The following LARS2 variants were observed in gnomAD, a reference collection of about 807,000 sequenced individuals.
LARS2 encodes the protein leucyl-tRNA synthetase 2, mitochondrial, also known as leucine--tRNA ligase, mitochondrial.
A neutral mutation model predicts 116.6 loss-of-function variants in LARS2; 81 were observed. The ratio of observed to expected loss-of-function variants is 0.69; its 90% CI spans 0.58 to 0.84. LARS2 has a LOEUF of 0.84. LARS2 is among the 40% of genes least tolerant of loss of function. LARS2 has a pLI of 0.00. For missense variants in LARS2, 968 were observed against 1,114.5 expected, an observed-to-expected ratio of 0.87 and a Z score of 1.87; for synonymous variants, 396 against 407.2, an observed-to-expected ratio of 0.97 and a Z score of 0.33.
chr3:45,526,181 AT>A (rs1215010011), intron 20 of LARS2, among the ~76,000 whole-genome samples: 1 of 152,222 alleles, frequency 6.6e-6, no homozygotes, highest in African/African-American at 2.4e-5. Context: ...TTTGAGTCCG[AT>A]TTATGTTAGA....
intron 4 of LARS2, among the ~76,000 whole-genome samples, chr3:45,402,112 GTTAA>G (rs749568326): frequency 2.6e-5 from 4 of 152,202 alleles, no homozygotes; most frequent in Non-Finnish European, 2.9e-5. Context: ...CCTTTGAGTA[GTTAA>G]TTAATTAACC....
chr3:45,453,748 C>G (rs900431081), intron 7 of LARS2, among the ~76,000 whole-genome samples: 34 of 151,532 alleles, frequency 2.2e-4, no homozygotes, highest in African/African-American at 8.0e-4. Context: ...CATGCTTTGT[C>G]AAGAAAGAAG....
intron 6 of LARS2, among the ~76,000 whole-genome samples, chr3:45,432,957 TATG>T (rs1195665785): frequency 6.6e-6 from 1 of 152,076 alleles, no homozygotes; most frequent in Non-Finnish European, 1.5e-5. Flanking sequence ...AAGTCTATTT[TATG>T]ATATTTTACT....
chr3:45,414,518 G>A (rs1429866182), intron 4 of LARS2, among the ~76,000 whole-genome samples: 2 of 152,074 alleles, frequency 1.3e-5, no homozygotes, highest in Admixed American at 6.6e-5. Flanking sequence ...CTCAGTATTC[G>A]TCATTATTTT....
At chr3:45,425,309 T>C (rs983976316) in intron 6 of LARS2, among the ~76,000 whole-genome samples, 5 of 152,150 alleles carry the variant, frequency 3.3e-5, no homozygotes, top group African/African-American at 1.2e-4. Context: ...GGGGGACTAG[T>C]GTATCAATTT....
intron 8 of LARS2, among the ~76,000 whole-genome samples, chr3:45,460,147 T>G (rs1277089645): frequency 6.6e-6 from 1 of 152,266 alleles, no homozygotes; most frequent in Non-Finnish European, 1.5e-5. Flanking sequence ...TAAATGAGGT[T>G]GTTTTTCCAT....
chr3:45,441,214 A>C (rs991430548), intron 6 of LARS2, among the ~76,000 whole-genome samples: 1 of 151,976 alleles, frequency 6.6e-6, no homozygotes, highest in Non-Finnish European at 1.5e-5. Context: ...TAGTAGAGAC[A>C]TGGTTTCACC....
intron 6 of LARS2, among the ~76,000 whole-genome samples, chr3:45,435,039 A>G (rs917960632): frequency 1.3e-5 from 2 of 152,256 alleles, no homozygotes; most frequent in Non-Finnish European, 2.9e-5. Flanking sequence ...GGACAGAATC[A>G]TCTGAAAGAT....
At chr3:45,534,100 C>T (rs563584804) in intron 20 of LARS2, among the ~76,000 whole-genome samples, 32 of 152,312 alleles carry the variant, frequency 2.1e-4, no homozygotes, top group Middle Eastern at 6.8e-3. Context: ...TGAAGTTTTA[C>T]AGATCTATAG....
At position 45,477,261 on chromosome 3, in the gene LARS2, T is replaced by C. The variant is rs933798232; in HGVS notation, c.1018+634T>C. ...TAACCCAGAGGAAAAGGAGAACACA[T>C]TGGAAGGCTGTGGGGAAGCCCGTTG... On this transcript the variant is annotated intron_variant, in intron 10 of 21. Transcript: ENST00000645846. Among the ~76,000 whole-genome samples the C allele has an allele frequency of 4.6e-5, 7 of 152,252 alleles. No individual in the cohort carries two copies. In the South Asian group the frequency reaches 1.2e-3, roughly 27 times the overall value.
At chr3:45,442,921 G>A (rs764042697) in intron 6 of LARS2, among the ~76,000 whole-genome samples, 14 of 152,182 alleles carry the variant, frequency 9.2e-5, no homozygotes, top group Admixed American at 5.2e-4. Flanking sequence ...CCACCTTGGC[G>A]CTATTGATTG....
At chr3:45,512,007 T>A (rs1026291064) in intron 15 of LARS2, among the ~76,000 whole-genome samples, 3 of 151,984 alleles carry the variant, frequency 2.0e-5, no homozygotes, top group Admixed American at 2.0e-4. Flanking sequence ...AACTTTGAGC[T>A]CAGGCAATCC....
At position 45,541,183 on chromosome 3, in the gene LARS2, G is replaced by A. The variant is rs553534359; in HGVS notation, c.2405-646G>A. ...GCTACCCTTAGTGCCACCTCTTCTTGGGGGCTGCGGCACGAAGCACTCTGG... is the reference window on the plus strand; with the variant it reads ...GCTACCCTTAGTGCCACCTCTTCTTAGGGGCTGCGGCACGAAGCACTCTGG... On this transcript the variant is annotated intron_variant, in intron 20 of 21. Transcript: ENST00000645846. 5.9e-5 allele frequency among the ~76,000 whole-genome samples: 9 copies of A among 152,250 alleles called. No homozygotes were observed. In the South Asian group the frequency reaches 1.9e-3, roughly 32 times the overall value.
At chr3:45,514,193 AAG>A (rs1364319498) in intron 16 of LARS2, among the ~76,000 whole-genome samples, 2 of 151,970 alleles carry the variant, frequency 1.3e-5, no homozygotes, top group African/African-American at 4.8e-5. Flanking sequence ...GCAACAGAGC[AAG>A]ACTCTGTCTC....
chr3:45,496,471 G>C, intron 14 of LARS2, 98 bp downstream of exon 14: 1 of 916,872 alleles, frequency 1.1e-6, no homozygotes, highest in East Asian at 2.4e-5. Context: ...GATTTCTTGG[G>C]GGGAAATGCC....
chr3:45,484,622 A>ATATATATCTATAT (rs1389176183), intron 10 of LARS2, among the ~76,000 whole-genome samples: 1 of 15,060 alleles, frequency 6.6e-5, no homozygotes, highest in Non-Finnish European at 2.3e-4. Flanking sequence ...AAAAAAAAAA[A>ATATATATCTATAT]AAAAAAAAAT....
intron 3 of LARS2, among the ~76,000 whole-genome samples, chr3:45,397,542 A>T (rs1477333641): frequency 6.6e-6 from 1 of 152,240 alleles, no homozygotes; most frequent in African/African-American, 2.4e-5. Context: ...GCTAGTAAAG[A>T]AATTACAGGT....
chr3:45,500,477 C>T lies in LARS2; in HGVS notation c.1658C>T (p.Pro553Leu). The stretch of plus-strand genomic sequence containing the variant: ...ACAGCAGTGGCCGATTACTGGATGC[C>T]TGTGGATTTGTACATTGGAGGGAAA... ...FNTAVADYWM[P>L]VDLYIGGKEH... Residue 553 changes from proline (P) to leucine (L), a missense_variant, in exon 15 of 22, where the codon CCT becomes CTT. Coordinates refer to ENST00000645846, the MANE Select transcript of LARS2 (RefSeq NM_015340.4). 6.2e-7 allele frequency: 1 copy of T among 1,605,562 alleles called. No homozygotes were observed. Among genetic ancestry groups the T allele is most frequent in the Non-Finnish European group, 8.5e-7 (1 of 1,177,396 alleles).
intron 6 of LARS2, among the ~76,000 whole-genome samples, chr3:45,442,307 G>C (rs1231704571): frequency 2.0e-5 from 3 of 152,176 alleles, no homozygotes; most frequent in Non-Finnish European, 4.4e-5. Context: ...TGGAGTTGCA[G>C]GCAGGGTTCA....
Sources: gnomAD v4.1 joint callset for allele counts (sites outside exome capture counted in the v4.1 genomes callset) on GRCh38, gnomAD v4.1.1 for gene constraint, MANE v1.5 for transcripts, NCBI Gene and HGNC (gene_info 2026-07-23, HGNC 2026-07-21) for gene names.